ARHGAP42: variants seen among roughly 807,000 people sequenced by gnomAD.
ARHGAP42 encodes Rho GTPase activating protein 42, also known as rho GTPase-activating protein 42.
A neutral mutation model predicts 125.0 loss-of-function variants in ARHGAP42; 63 were observed. That is an observed-to-expected ratio of 0.50 (90% CI 0.41 to 0.62). The LOEUF is 0.62. Among genes scored for constraint, ARHGAP42 ranks in the 20% least tolerant of loss-of-function variants. The probability of loss-of-function intolerance (pLI) is 0.00; values close to 1 mark genes in which losing one functional copy is unlikely to be tolerated. For synonymous variants in ARHGAP42, 339 were observed against 351.0 expected (o/e 0.97, Z 0.38); for missense variants, 766 against 1,024.2 (o/e 0.75, Z 3.44).
Position 100,973,238 on chromosome 11 carries a change from A to G in ARHGAP42, c.1614A>G (p.Pro538=). ...CAAATCTTGGTGTCATATTTGGCCC[A>G]ACTCTAATGAGAGCACAGGAAGAAA... The part of the protein sequence containing the change: ...TVSNLGVIFG[P]TLMRAQEETV... Residue 538 remains proline, a synonymous_variant, in exon 18 of 24, where the codon CCA becomes CCG. Coordinates refer to ENST00000298815, the MANE Select transcript of ARHGAP42 (RefSeq NM_152432.4). 1 of 1,551,264 alleles carries G rather than the reference A, an allele frequency of 6.4e-7. No individual in the cohort carries two copies. Among genetic ancestry groups the G allele is most frequent in the South Asian group, 1.2e-5 (1 of 84,008 alleles).
chr11:100,975,000 G>A (rs1385258657), intron 19 of ARHGAP42, among the ~76,000 whole-genome samples: 1 of 152,024 alleles, frequency 6.6e-6, no homozygotes, highest in Non-Finnish European at 1.5e-5. Flanking sequence ...ATCAGTGTCT[G>A]AAAGAGAAAA....
intron 3 of ARHGAP42, among the ~76,000 whole-genome samples, chr11:100,853,148 T>C (rs771400848): frequency 6.6e-6 from 1 of 152,216 alleles, no homozygotes; most frequent in Non-Finnish European, 1.5e-5. Context: ...AGTATTTTTT[T>C]AAAAGTGAAT....
In ARHGAP42 at chr11:100,975,135, C is replaced by A. The variant is rs73579230; in HGVS notation, c.1855+532C>A. ...GTGGCTGTTCTCATTTTATTTTATACCCCCCACCCCAATTTTTTGCTCACA... is the reference window on the plus strand; with the variant it reads ...GTGGCTGTTCTCATTTTATTTTATAACCCCCACCCCAATTTTTTGCTCACA... On this transcript the variant is annotated intron_variant, in intron 19 of 23. Coordinates refer to ENST00000298815, the MANE Select transcript of ARHGAP42 (RefSeq NM_152432.4). Among the ~76,000 whole-genome samples, 5 of 152,044 alleles carry A rather than the reference C, an allele frequency of 3.3e-5. No homozygotes were observed. The East Asian group carries it at 5.8e-4, about 18-fold the overall frequency.
chr11:100,753,738 A>G (rs1194554841), intron 1 of ARHGAP42, among the ~76,000 whole-genome samples: 1 of 152,082 alleles, frequency 6.6e-6, no homozygotes, highest in Admixed American at 6.5e-5. Context: ...ACCGCTTGCT[A>G]TATCAGTTCC....
chr11:100,795,033 G>A (rs1477096011), intron 2 of ARHGAP42, 72 bp from the exon 3 acceptor site: 9 of 1,184,912 alleles, frequency 7.6e-6, no homozygotes, highest in Non-Finnish European at 1.1e-5. Flanking sequence ...TTCTTGTAAT[G>A]TTTCTTCTTG....
intron 1 of ARHGAP42, among the ~76,000 whole-genome samples, chr11:100,747,337 T>C (rs973054940): frequency 6.6e-6 from 1 of 152,256 alleles, no homozygotes; most frequent in African/African-American, 2.4e-5. Flanking sequence ...GTATGATTTT[T>C]ATACCAGATA....
chr11:100,742,071 C>G (rs889018422), intron 1 of ARHGAP42, among the ~76,000 whole-genome samples: 2 of 152,196 alleles, frequency 1.3e-5, no homozygotes, highest in African/African-American at 4.8e-5. Flanking sequence ...AAACTAGTTT[C>G]TACTCATGTT....
intron 3 of ARHGAP42, among the ~76,000 whole-genome samples, chr11:100,833,308 T>C (rs1864704956): frequency 6.6e-6 from 1 of 152,232 alleles, no homozygotes; most frequent in Non-Finnish European, 1.5e-5. Flanking sequence ...ATCTTTTAAA[T>C]GTGCTATCCA....
intron 1 of ARHGAP42, among the ~76,000 whole-genome samples, chr11:100,720,017 C>G (rs751923381): frequency 2.0e-5 from 3 of 152,312 alleles, no homozygotes; most frequent in Non-Finnish European, 4.4e-5. Context: ...GATCTGGCAC[C>G]GTAGTCAACA....
At chr11:100,943,889 T>A in intron 10 of ARHGAP42, 21 bp downstream of exon 10, 1 of 1,444,000 alleles carries the variant, frequency 6.9e-7, no homozygotes, top group Non-Finnish European at 9.4e-7. Context: ...TTCTTTTCAC[T>A]TTATTTTTTT....
chr11:100,905,850 TGACTGTGTTTCCAGCTACTCGGGAGGCC>T (rs1461743830), intron 4 of ARHGAP42, among the ~76,000 whole-genome samples: 4 of 152,104 alleles, frequency 2.6e-5, no homozygotes, highest in African/African-American at 9.7e-5. Context: ...TGGTGGCGCA[TGACTGTGTTTCCAGCTACTCGGGAGGCC>T]GAGGCACGGG....
At chr11:100,793,729 A>G (rs1268107153) in intron 2 of ARHGAP42, among the ~76,000 whole-genome samples, 1 of 152,088 alleles carries the variant, frequency 6.6e-6, no homozygotes. Flanking sequence ...GTCTCACAGG[A>G]TGTTTCCGGT....
intron 2 of ARHGAP42, among the ~76,000 whole-genome samples, chr11:100,788,533 T>C (rs1224275183): frequency 6.6e-6 from 1 of 152,212 alleles, no homozygotes; most frequent in African/African-American, 2.4e-5. Context: ...AGCAATTTAT[T>C]GACTTTGCAA....
At chr11:100,886,692 A>C (rs1866100543) in intron 4 of ARHGAP42, among the ~76,000 whole-genome samples, 1 of 152,214 alleles carries the variant, frequency 6.6e-6, no homozygotes, top group East Asian at 1.9e-4. Flanking sequence ...TAATCTTAAG[A>C]AATGACTGTT....
At chr11:100,890,808 A>G (rs540296576) in intron 4 of ARHGAP42, among the ~76,000 whole-genome samples, 8 of 152,298 alleles carry the variant, frequency 5.3e-5, no homozygotes, top group Non-Finnish European at 1.2e-4. Flanking sequence ...TGGCTGAAGA[A>G]TGGGCTATTC....
intron 1 of ARHGAP42, among the ~76,000 whole-genome samples, chr11:100,747,979 C>T (rs1862343364): frequency 6.6e-6 from 1 of 151,534 alleles, no homozygotes; most frequent in Non-Finnish European, 1.5e-5. Context: ...ATTCTACCCC[C>T]CACCCCCCTT....
intron 1 of ARHGAP42, among the ~76,000 whole-genome samples, chr11:100,754,571 A>G (rs1819402160): frequency 1.3e-5 from 2 of 152,356 alleles, no homozygotes; most frequent in African/African-American, 2.4e-5. Context: ...TTTAAGGAAC[A>G]TTGTTTAATA....
Position 100,989,034 on chromosome 11 carries a change from T to C in ARHGAP42, c.*233T>C. ...TTTAAAATATCTTACTTGTGAAAAA[T>C]GTGTTTTTGGATAATATGTAACTCT... On this transcript the variant is annotated 3_prime_UTR_variant, in exon 24 of 24. Transcript: ENST00000298815. The C allele has an allele frequency of 6.0e-6, 3 of 502,084 alleles. No individual in the cohort carries two copies. The East Asian group carries it at 8.5e-5, about 14-fold the overall frequency. 31.1% of individuals were successfully genotyped at this position (502,084 alleles called of 1,614,324 possible). A position where few individuals can be genotyped will look rare whatever the true frequency, so the allele number is the denominator to read the frequency against.
chr11:100,862,351 C>A (rs982975358), intron 4 of ARHGAP42, among the ~76,000 whole-genome samples: 6 of 152,192 alleles, frequency 3.9e-5, no homozygotes, highest in South Asian at 2.1e-4. Flanking sequence ...GTGAAAAATT[C>A]TTTCCCTAGT....
Sources: gnomAD v4.1 joint callset for allele counts (sites outside exome capture counted in the v4.1 genomes callset) on GRCh38, gnomAD v4.1.1 for gene constraint, MANE v1.5 for transcripts, NCBI Gene and HGNC (gene_info 2026-07-23, HGNC 2026-07-21) for gene names.